UNC79: variants seen among roughly 807,000 people sequenced by gnomAD.
UNC79 encodes protein unc-79 homolog.
Under a neutral mutation model 283.1 loss-of-function variants are expected in UNC79, and 37 were observed. That is an observed-to-expected ratio of 0.13 (90% CI 0.10 to 0.17). The LOEUF is 0.17. Among genes scored for constraint, UNC79 ranks in the 10% least tolerant of loss-of-function variants. The pLI, the probability that UNC79 is intolerant of heterozygous loss-of-function variation, is 1.00. For synonymous variants in UNC79, 1,107 were observed against 1,200.2 expected, an observed-to-expected ratio of 0.92 and a Z score of 1.61; for missense variants, 2,272 against 3,211.1, an observed-to-expected ratio of 0.71 and a Z score of 7.07.
intron 14 of UNC79, among the ~76,000 whole-genome samples, chr14:93,543,418 C>G (rs1238948608): frequency 1.3e-5 from 2 of 148,646 alleles, no homozygotes; most frequent in African/African-American, 5.0e-5. Context: ...CTCACTTTGT[C>G]ACCCAGGATG....
At chr14:93,637,276 A>T (rs540308291) in exon 32 of UNC79, 1 of 1,610,514 alleles carries the variant, frequency 6.2e-7, no homozygotes, top group East Asian at 2.2e-5. Flanking sequence ...CCTGACCTGG[A>T]GGGACAGCCA....
chr14:93,430,814 AT>A lies in UNC79; in HGVS notation c.-213del. 2.1e-6 allele frequency: 1 copy of A among 476,550 alleles called. No individual in the cohort carries two copies. Among genetic ancestry groups the A allele is most frequent in the Non-Finnish European group, 3.8e-6 (1 of 260,632 alleles). The allele number at this position is 476,550 out of a possible 1,614,324, so 29.5% of individuals were successfully genotyped here. On this transcript the variant is annotated 5_prime_UTR_variant, in exon 1 of 49. Transcript: ENST00000555664. The surrounding 1 kb of genome is among the most constrained non-coding windows in gnomAD (Gnocchi z 4.6). ...TTTGGCCGCCTATTAAATCCCACCC[AT>A]TTCTCCGGGGGCGATTTCCTAACCT... is the stretch of plus-strand genomic sequence containing the variant.
At chr14:93,513,467 C>T (rs1285716585) in intron 7 of UNC79, among the ~76,000 whole-genome samples, 1 of 152,096 alleles carries the variant, frequency 6.6e-6, no homozygotes, top group African/African-American at 2.4e-5. Flanking sequence ...GATCCTCCTG[C>T]CTCAGCCTCC....
At chr14:93,506,411 C>T (rs1346733344) in intron 7 of UNC79, among the ~76,000 whole-genome samples, 10 of 151,938 alleles carry the variant, frequency 6.6e-5, no homozygotes, top group South Asian at 2.1e-4. Flanking sequence ...TTAGTAGAGA[C>T]GGGATTTCAC....
Position 93,600,842 on chromosome 14 carries a change from T to C in UNC79, c.3574+72T>C. The C allele has an allele frequency of 2.6e-6, 4 of 1,536,334 alleles. No homozygotes were observed. In the South Asian group the frequency reaches 4.8e-5, roughly 18 times the overall value. Reference sequence around the variant, plus strand: ...TGCTTGCCTAGACAAACAGAAGACATTGGCATGTCGTTTAATTCCTCTACA... The same window carrying C: ...TGCTTGCCTAGACAAACAGAAGACACTGGCATGTCGTTTAATTCCTCTACA... On this transcript the variant is annotated intron_variant, in intron 25 of 48. Coordinates refer to ENST00000555664, the Ensembl canonical transcript of UNC79.
At chr14:93,614,180 A>G (rs752241654) in intron 27 of UNC79, among the ~76,000 whole-genome samples, 8 of 152,104 alleles carry the variant, frequency 5.3e-5, no homozygotes, top group Non-Finnish European at 7.4e-5. Context: ...GAGTAATTTT[A>G]TGTTATTGTG....
At chr14:93,580,402 C>T (rs1364130869) in intron 19 of UNC79, 26 bp downstream of exon 19, 1 of 1,604,782 alleles carries the variant, frequency 6.2e-7, no homozygotes, top group Admixed American at 1.7e-5. Context: ...AACGAGATGA[C>T]CCATGTATAA....
intron 1 of UNC79, among the ~76,000 whole-genome samples, chr14:93,458,074 C>T (rs1207393102): frequency 2.6e-5 from 4 of 152,148 alleles, no homozygotes; most frequent in African/African-American, 7.2e-5. Flanking sequence ...ATGTCCAAAT[C>T]CTCTTTATGT....
chr14:93,357,609 C>T (rs2054112138), intron 1 of UNC79, among the ~76,000 whole-genome samples: 6 of 144,444 alleles, frequency 4.2e-5, no homozygotes, highest in Admixed American at 1.5e-4. Flanking sequence ...TTCCTTGCTT[C>T]TTAGCTTGCA....
At chr14:93,561,787 A>C (rs2062571019) in intron 14 of UNC79, among the ~76,000 whole-genome samples, 1 of 152,200 alleles carries the variant, frequency 6.6e-6, no homozygotes, top group African/African-American at 2.4e-5. Context: ...GGATAGCACC[A>C]GGAGATATCA....
chr14:93,503,433 T>C (rs1362811945), intron 7 of UNC79, among the ~76,000 whole-genome samples: 1 of 152,132 alleles, frequency 6.6e-6, no homozygotes, highest in Non-Finnish European at 1.5e-5. Flanking sequence ...AATTCCTGGA[T>C]TGGAGGATGT....
chr14:93,337,123 G>C (rs2053595301), intron 1 of UNC79, among the ~76,000 whole-genome samples: 1 of 152,178 alleles, frequency 6.6e-6, no homozygotes, highest in South Asian at 2.1e-4. Context: ...AGCCAATAAA[G>C]TAGTGCTTTT....
In UNC79 at chr14:93,690,499, A is replaced by C; in HGVS notation, c.7272+196A>C. The stretch of plus-strand genomic sequence containing the variant: ...AGACTGTCTTTCCCCCCGCCCCCAA[A>C]TTGTTTTTCGGCTTACTTTTATAAA... On this transcript the variant is annotated intron_variant, in intron 45 of 48. Transcript: ENST00000555664. The surrounding 1 kb of genome is among the most constrained non-coding windows in gnomAD (Gnocchi z 4.3). 1 of 562,470 alleles carries C rather than the reference A, an allele frequency of 1.8e-6. No homozygotes were observed. The highest frequency in any genetic ancestry group is 1.9e-5 in the African/African-American group (1 of 51,616). The allele number at this position is 562,470 out of a possible 1,614,324, so 34.8% of individuals were successfully genotyped here.
At chr14:93,467,620 T>A (rs1440071567) in intron 1 of UNC79, 51 bp from the exon 2 acceptor site, 8 of 1,221,786 alleles carry the variant, frequency 6.5e-6, no homozygotes, top group Non-Finnish European at 7.1e-6. Flanking sequence ...TCTTTCTTTT[T>A]CTTCTTCCTT....
intron 14 of UNC79, among the ~76,000 whole-genome samples, chr14:93,543,605 G>A (rs190290851): frequency 2.6e-5 from 4 of 152,172 alleles, no homozygotes; most frequent in East Asian, 1.9e-4. Context: ...GGCCTCCAGC[G>A]ATCTTTCTGC....
intron 45 of UNC79, 23 bp from the exon 49 acceptor site, chr14:93,691,726 G>A (rs2074715874): frequency 4.3e-6 from 7 of 1,612,580 alleles, no homozygotes; most frequent in Non-Finnish European, 5.9e-6. Context: ...GCAATGCACT[G>A]ATGCCGTCTT....
At chr14:93,431,768 CTGTG>C (rs1305811766) in intron 1 of UNC79, among the ~76,000 whole-genome samples, 8 of 152,204 alleles carry the variant, frequency 5.3e-5, no homozygotes, top group South Asian at 4.1e-4. Context: ...TAATGACTGA[CTGTG>C]TGCGTGGTTG....
At chr14:93,641,739 C>G (rs941444376) in intron 33 of UNC79, among the ~76,000 whole-genome samples, 14 of 152,140 alleles carry the variant, frequency 9.2e-5, no homozygotes, top group African/African-American at 3.4e-4. Context: ...TAAAAGTGAC[C>G]TGATTGATAA....
intron 1 of UNC79, among the ~76,000 whole-genome samples, chr14:93,370,510 C>A (rs558605764): frequency 6.6e-6 from 1 of 152,222 alleles, no homozygotes; most frequent in East Asian, 1.9e-4. Context: ...TGCTGGCTCA[C>A]GCCTGTAATC....
Sources: gnomAD v4.1 joint callset for allele counts (sites outside exome capture counted in the v4.1 genomes callset) on GRCh38, gnomAD v4.1.1 for gene constraint, Gnocchi (gnomAD v3.1) non-coding constraint, MANE v1.5 for transcripts, NCBI Gene and HGNC (gene_info 2026-07-23, HGNC 2026-07-21) for gene names.